TTC21A: variants seen among roughly 807,000 people sequenced by gnomAD.
TTC21A encodes the protein tetratricopeptide repeat protein 21A.
Under a neutral mutation model 156.4 loss-of-function variants are expected in TTC21A, and 128 were observed. The ratio of observed to expected loss-of-function variants is 0.82; its 90% CI spans 0.71 to 0.95. TTC21A has a LOEUF of 0.95. Among genes scored for constraint, TTC21A ranks in the 40% least tolerant of loss-of-function variants. The pLI, the probability that TTC21A is intolerant of heterozygous loss-of-function variation, is 0.00. For synonymous variants in TTC21A, 587 were observed against 617.1 expected, an observed-to-expected ratio of 0.95 and a Z score of 0.72; for missense variants, 1,435 against 1,602.3, an observed-to-expected ratio of 0.90 and a Z score of 1.78.
chr3:39,128,522 G>C (rs780622729), intron 13 of TTC21A, 34 bp downstream of exon 13: 2 of 1,612,806 alleles, frequency 1.2e-6, no homozygotes, highest in African/African-American at 2.7e-5. Flanking sequence ...GCATCCCAAA[G>C]CCCAGCTAGC....
intron 11 of TTC21A, among the ~76,000 whole-genome samples, chr3:39,125,843 C>T (rs2038187322): frequency 6.6e-6 from 1 of 152,192 alleles, no homozygotes; most frequent in Admixed American, 6.5e-5. Context: ...GGCCCATGGC[C>T]CTGCCTTTAT....
chr3:39,136,345 C>CTCTTA lies in TTC21A; in HGVS notation c.2945-10_2945-6dup. Reference sequence around the variant, plus strand: ...GGCATTTCAGCCTGGAGATTTCTGTCTCTTATTTTAGACAATTTTTTGGTA... The same window carrying CTCTTA: ...GGCATTTCAGCCTGGAGATTTCTGTCTCTTATCTTATTTTAGACAATTTTTTGGTA... On this transcript the variant is annotated splice_polypyrimidine_tract_variant and intron_variant, in intron 22 of 28. Coordinates refer to ENST00000683103, the MANE Select transcript of TTC21A (RefSeq NM_001366900.1). 6.2e-7 allele frequency: 1 copy of CTCTTA among 1,608,236 alleles called. No homozygotes were observed.
chr3:39,130,981 C>T lies in TTC21A; in HGVS notation c.2459-11C>T, dbSNP rs970139962. 36 of 1,612,746 alleles carry T rather than the reference C, an allele frequency of 2.2e-5. No homozygotes were observed. Among genetic ancestry groups the T allele is most frequent in the Non-Finnish European group, 2.7e-5 (32 of 1,179,364 alleles). On this transcript the variant is annotated splice_polypyrimidine_tract_variant and intron_variant, in intron 18 of 28. Transcript: ENST00000683103. This position sits in a 1 kb window ranked among gnomAD's most constrained non-coding sequence, Gnocchi z 4.5. ...AGTGAACTAACACTAATTTGAGTTT[C>T]CATTTAACAGTCCAAGACATCCCAT...
chr3:39,130,537 C>A lies in TTC21A; in HGVS notation c.2320-164C>A, dbSNP rs2038645904. The A allele has an allele frequency of 4.9e-6, 5 of 1,028,272 alleles. 1 individual carries two copies. The South Asian group carries it at 6.1e-5, about 13-fold the overall frequency. The allele number at this position is 1,028,272 out of a possible 1,614,324, so 63.7% of individuals were successfully genotyped here. ...AACTCTCTGCTGCTGACCACACCTG[C>A]TTAAGCTGAGGGTTACACCCTGTGC... On this transcript the variant is annotated intron_variant, in intron 17 of 28. Coordinates refer to ENST00000683103, the MANE Select transcript of TTC21A (RefSeq NM_001366900.1). The surrounding 1 kb of genome is among the most constrained non-coding windows in gnomAD (Gnocchi z 4.5).
intron 4 of TTC21A, among the ~76,000 whole-genome samples, chr3:39,111,336 C>G (rs939544019): frequency 3.3e-5 from 5 of 152,208 alleles, no homozygotes; most frequent in East Asian, 1.9e-4. Flanking sequence ...CCTCAGCCCC[C>G]CAAGTAGCTG....
chr3:39,122,307 C>A (rs1398624102), intron 9 of TTC21A, among the ~76,000 whole-genome samples: 4 of 104,122 alleles, frequency 3.8e-5, no homozygotes, highest in Non-Finnish European at 1.9e-5. Flanking sequence ...TGAGACTCCA[C>A]CTCAAAAAAA....
chr3:39,109,965 T>A (rs767217472), intron 2 of TTC21A, 64 bp from the exon 3 acceptor site: 155 of 1,238,824 alleles, frequency 1.3e-4, no homozygotes, highest in Middle Eastern at 5.6e-4. Flanking sequence ...TTGGGTCAGC[T>A]ACAGAGTCTC....
At chr3:39,125,817 G>C (rs946297382) in intron 11 of TTC21A, among the ~76,000 whole-genome samples, 2 of 152,210 alleles carry the variant, frequency 1.3e-5, no homozygotes, top group African/African-American at 4.8e-5. Flanking sequence ...GACCACACTT[G>C]GAAGAACAGG....
chr3:39,108,124 A>G (rs189363196), intron 1 of TTC21A: 33 of 565,924 alleles, frequency 5.8e-5, no homozygotes, highest in Non-Finnish European at 9.1e-5. Context: ...CCTTCTTGTC[A>G]TCATCCCTTC....
intron 5 of TTC21A, among the ~76,000 whole-genome samples, chr3:39,113,841 C>G (rs970419874): frequency 2.0e-5 from 3 of 152,242 alleles, no homozygotes; most frequent in Admixed American, 6.5e-5. Flanking sequence ...CAGTTATGCA[C>G]TTAAAGTGCT....
At chr3:39,113,379 G>A (rs1429343878) in intron 5 of TTC21A, among the ~76,000 whole-genome samples, 2 of 152,226 alleles carry the variant, frequency 1.3e-5, no homozygotes, top group South Asian at 2.1e-4. Flanking sequence ...AAGGCGGGCT[G>A]TGAATAGTCA....
chr3:39,123,638 A>G (rs2037957476), intron 9 of TTC21A, among the ~76,000 whole-genome samples: 1 of 152,186 alleles, frequency 6.6e-6, no homozygotes, highest in African/African-American at 2.4e-5. Context: ...CCTAACTCCA[A>G]ACTTGGAAGC....
Position 39,128,755 on chromosome 3 carries a change from G to C in TTC21A, c.1719G>C (p.Arg573Ser). 1.2e-6 allele frequency: 2 copies of C among 1,614,108 alleles called. No individual in the cohort carries two copies. The highest frequency in any genetic ancestry group is 1.7e-6 in the Non-Finnish European group (2 of 1,180,024). ...CCCTCTACCACCTCATCAAGGCCAG[G>C]GCCCTCAACAAGGCTGGAGACTATC... Reference protein sequence around the residue: ...DHPLYHLIKARALNKAGDYPE... With the variant: ...DHPLYHLIKASALNKAGDYPE... The change falls in exon 14 of 29, where the codon AGG becomes AGC. Residue 573 changes from arginine (R) to serine (S), a missense_variant. Coordinates refer to ENST00000683103, the MANE Select transcript of TTC21A (RefSeq NM_001366900.1).
At chr3:39,114,471 C>T (rs2037106781) in intron 5 of TTC21A, 114 bp from the exon 6 acceptor site, 1 of 1,028,898 alleles carries the variant, frequency 9.7e-7, no homozygotes, top group East Asian at 2.4e-5. Flanking sequence ...CCCACGGTGC[C>T]CATGTGTCAG....
intron 8 of TTC21A, 61 bp downstream of exon 8, chr3:39,120,081 CT>C (rs1454909324): frequency 2.4e-6 from 3 of 1,261,302 alleles, no homozygotes; most frequent in Non-Finnish European, 3.4e-6. Context: ...TAGAGGAGAA[CT>C]GTGCTCCCCC....
chr3:39,132,463 G>A (rs1176207559), intron 19 of TTC21A, among the ~76,000 whole-genome samples: 1 of 152,172 alleles, frequency 6.6e-6, no homozygotes, highest in Non-Finnish European at 1.5e-5. Context: ...CTTCTAGAGG[G>A]AGGGCCCACT....
intron 5 of TTC21A, among the ~76,000 whole-genome samples, chr3:39,113,753 A>G (rs894870909): frequency 2.0e-5 from 3 of 152,258 alleles, no homozygotes; most frequent in African/African-American, 4.8e-5. Context: ...ACATGGATAT[A>G]AAGCCAGTCT....
Position 39,136,933 on chromosome 3 carries a change from C to T in TTC21A, c.3130C>T (p.Leu1044=), listed in dbSNP as rs1400679029. 6.2e-7 allele frequency: 1 copy of T among 1,614,132 alleles called. No homozygotes were observed. Among genetic ancestry groups the T allele is most frequent in the Non-Finnish European group, 8.5e-7 (1 of 1,180,048 alleles). ...IGQPNEALKF[L]NKARKDSTWG... ...GCAGCCCAACGAAGCCTTAAAGTTC[C>T]TGAACAAGGCACGCAAGGACAGCAC... The change falls in exon 24 of 29, where the codon CTG becomes TTG. Residue 1044 remains leucine, a synonymous_variant. Coordinates refer to ENST00000683103, the MANE Select transcript of TTC21A (RefSeq NM_001366900.1).
At position 39,126,109 on chromosome 3, in the gene TTC21A, G is replaced by T. The variant is rs2038212856; in HGVS notation, c.1393-152G>T. The T allele has an allele frequency of 1.8e-5, 17 of 936,578 alleles. 1 individual carries two copies. The South Asian group carries it at 2.5e-4, about 14-fold the overall frequency. The allele number at this position is 936,578 out of a possible 1,614,324, so 58.0% of individuals were successfully genotyped here. A position where few individuals can be genotyped will look rare whatever the true frequency, so the allele number is the denominator to read the frequency against. ...ACAAAACAAAGTTCCATAGCCTGGAGCTCGTGCTCTAAGCACTAGGTGATA... is the reference window on the plus strand; with the variant it reads ...ACAAAACAAAGTTCCATAGCCTGGATCTCGTGCTCTAAGCACTAGGTGATA... On this transcript the variant is annotated intron_variant, in intron 11 of 28. Transcript: ENST00000683103.
Sources: allele counts gnomAD v4.1 joint callset (sites outside exome capture counted in the v4.1 genomes callset), GRCh38; gene constraint gnomAD v4.1.1; non-coding constraint Gnocchi (gnomAD v3.1); transcripts MANE v1.5; gene names NCBI Gene and HGNC (gene_info 2026-07-23, HGNC 2026-07-21).